TTC22: variants seen among roughly 807,000 people sequenced by gnomAD.
TTC22 encodes the protein tetratricopeptide repeat domain 22.
In TTC22, 42 loss-of-function variants were observed where a neutral mutation model predicts 48.2. The ratio of observed to expected loss-of-function variants is 0.87; its 90% CI spans 0.68 to 1.13. The LOEUF (loss-of-function observed/expected upper bound fraction) is 1.13, where lower values mean the gene tolerates loss of function less well. TTC22 is among the 50% of genes most tolerant of loss of function. The pLI, the probability that TTC22 is intolerant of heterozygous loss-of-function variation, is 0.00. For synonymous variants in TTC22, 345 were observed against 365.5 expected, an observed-to-expected ratio of 0.94 and a Z score of 0.64; for missense variants, 784 against 807.0, an observed-to-expected ratio of 0.97 and a Z score of 0.34.
intron 3 of TTC22, chr1:54,787,341 T>G: frequency 5.4e-6 from 3 of 552,542 alleles, no homozygotes; most frequent in Non-Finnish European, 3.2e-6. Flanking sequence ...TGACTTCAGC[T>G]CTCACCAGCT....
chr1:54,784,639 C>T, intron 5 of TTC22: 1 of 1,114,010 alleles, frequency 9.0e-7, no homozygotes, highest in South Asian at 2.0e-5. Context: ...TAACCACATC[C>T]ACGACAGTGA....
At chr1:54,799,700 C>T (rs768574298) in intron 1 of TTC22, among the ~76,000 whole-genome samples, 2 of 152,180 alleles carry the variant, frequency 1.3e-5, no homozygotes, top group Non-Finnish European at 1.5e-5. Flanking sequence ...TGACCTCATG[C>T]AATCAGTGGT....
In TTC22 at chr1:54,800,622, T is replaced by A. The variant is rs1009986057; in HGVS notation, c.542A>T (p.Asp181Val). The A allele has an allele frequency of 1.3e-6, 2 of 1,546,900 alleles. No individual in the cohort carries two copies. Among genetic ancestry groups the A allele is most frequent in the African/African-American group, 2.8e-5 (2 of 70,768 alleles). ...RGLAAGIALY[D>V]KALGYGQQIP... is the part of the protein sequence containing the mutation. ...CTGCTGCCCGTAGCCTAGCGCCTTG[T>A]CGTAGAGCGCGATGCCTGCCGCCAG... The change falls in exon 1 of 7, where the codon GAC (aspartate) becomes GTC (valine). Residue 181 changes from aspartate (D) to valine (V), a missense_variant. Asp to Val is a radical substitution (Grantham distance 152). Coordinates refer to ENST00000371276, the MANE Select transcript of TTC22 (RefSeq NM_001114108.2).
At chr1:54,786,252 A>G in intron 4 of TTC22, 108 bp from the exon 5 acceptor site, 1 of 1,046,614 alleles carries the variant, frequency 9.6e-7, no homozygotes, top group East Asian at 2.4e-5. Flanking sequence ...AGCCGTATCA[A>G]CATGGTGCCC....
chr1:54,796,825 G>A lies in TTC22; in HGVS notation c.567+3772C>T, dbSNP rs1219373966. Among the ~76,000 whole-genome samples, 8 of 152,162 alleles carry A rather than the reference G, an allele frequency of 5.3e-5. 1 individual carries two copies. The highest frequency in any genetic ancestry group is 3.3e-4 in the Admixed American group (5 of 15,276). On this transcript the variant is annotated intron_variant, in intron 1 of 6. Coordinates refer to ENST00000371276, the MANE Select transcript of TTC22 (RefSeq NM_001114108.2). ...TAAACAATGGTTGCAAACTCCTCTT[G>A]GGTGTTCAGCTCTACGTCAGACATT...
Position 54,780,963 on chromosome 1 carries a change from G to A in TTC22, c.*280C>T. Reference sequence around the variant, plus strand: ...GCCTCACAACCATCTTATTTTACCTGTATGTCTAGAAAATTCTGTCCCTTA... The same window carrying A: ...GCCTCACAACCATCTTATTTTACCTATATGTCTAGAAAATTCTGTCCCTTA... On this transcript the variant is annotated 3_prime_UTR_variant, in exon 7 of 7. Transcript: ENST00000371276. 3.1e-6 allele frequency: 1 copy of A among 327,302 alleles called. No homozygotes were observed. Among genetic ancestry groups the A allele is most frequent in the Admixed American group, 5.0e-5 (1 of 20,186 alleles). 20.3% of individuals were successfully genotyped at this position (327,302 alleles called of 1,614,324 possible).
Position 54,781,379 on chromosome 1 carries a change from G to C in TTC22, c.1574C>G (p.Thr525Arg). Reference protein sequence around the residue: ...QELQRVWRGHTDEVLGLARAL... With the variant: ...QELQRVWRGHRDEVLGLARAL... ...CCGGGCCAGCCCCAACACCTCGTCCGTGTGCCCGCGCCACACGCGCTGCAG... is the reference window on the plus strand; with the variant it reads ...CCGGGCCAGCCCCAACACCTCGTCCCTGTGCCCGCGCCACACGCGCTGCAG... The change falls in exon 7 of 7, where the codon ACG becomes AGG. Residue 525 changes from threonine to arginine, a missense_variant. Transcript: ENST00000371276. The C allele has an allele frequency of 1.4e-6, 2 of 1,386,436 alleles. No homozygotes were observed. The highest frequency in any genetic ancestry group is 9.2e-7 in the Non-Finnish European group (1 of 1,081,304). The allele number at this position is 1,386,436 out of a possible 1,614,324, so 85.9% of individuals were successfully genotyped here.
chr1:54,799,902 T>C (rs1646419660), intron 1 of TTC22, among the ~76,000 whole-genome samples: 1 of 152,198 alleles, frequency 6.6e-6, no homozygotes, highest in African/African-American at 2.4e-5. Context: ...ATATGTAACA[T>C]TACTATCTCC....
Position 54,782,401 on chromosome 1 carries a change from A to G in TTC22, c.1097T>C (p.Leu366Pro), listed in dbSNP as rs12144325. ...GLGGMPDRNH[L>P]ACAKADLEEV... ...CTCAAGGTCAGCCTTGGCACAGGCCAGGTGGTTCCTGTCAGGCATGCCCCC... is the reference window on the plus strand; with the variant it reads ...CTCAAGGTCAGCCTTGGCACAGGCCGGGTGGTTCCTGTCAGGCATGCCCCC... The change falls in exon 6 of 7, where the codon CTG becomes CCG. Residue 366 changes from leucine to proline, a missense_variant. Physicochemically the swap from Leu to Pro is moderately conservative, Grantham distance 98. Transcript: ENST00000371276. The G allele has an allele frequency of 0.13, 207,895 of 1,551,220 alleles. 15,111 individuals are homozygous for G. Among genetic ancestry groups the G allele is most frequent in the Non-Finnish European group, 0.15 (172,779 of 1,146,738 alleles).
intron 1 of TTC22, among the ~76,000 whole-genome samples, chr1:54,788,620 T>A (rs891239404): frequency 1.3e-5 from 2 of 152,226 alleles, no homozygotes; most frequent in Admixed American, 1.3e-4. Context: ...TTTATGGTAG[T>A]AGCTGCTCCA....
chr1:54,787,151 G>C, intron 3 of TTC22, 76 bp from the exon 4 acceptor site: 1 of 730,954 alleles, frequency 1.4e-6, no homozygotes, highest in Non-Finnish European at 2.1e-6. Flanking sequence ...CCCATCCTAG[G>C]TGTCACCCAT....
intron 2 of TTC22, 86 bp downstream of exon 2, chr1:54,787,956 C>A: frequency 6.7e-7 from 1 of 1,498,076 alleles, no homozygotes; most frequent in African/African-American, 1.4e-5. Context: ...AAGGGCCCAG[C>A]CACCTCTGCC....
At chr1:54,792,855 G>C (rs1646363069) in intron 1 of TTC22, 1 of 152,190 alleles carries the variant, frequency 6.6e-6, no homozygotes. Flanking sequence ...AAACAGGCTT[G>C]TGACTGCCCC....
Position 54,781,554 on chromosome 1 carries a change from T to C in TTC22, c.1399A>G (p.Ser467Gly), listed in dbSNP as rs1470271937. The C allele has an allele frequency of 3.3e-6, 5 of 1,519,576 alleles. No individual in the cohort carries two copies. The highest frequency in any genetic ancestry group is 4.4e-6 in the Non-Finnish European group (5 of 1,140,818). The allele number at this position is 1,519,576 out of a possible 1,614,324, so 94.1% of individuals were successfully genotyped here. The part of the protein sequence containing the change: ...RAVELDDAGS[S>G]HTDGFGCLLE... ...AGGCAGCCGAAGCCGTCGGTGTGGCTGGAGCCCGCGTCGTCCAGCTCCACT... is the reference window on the plus strand; with the variant it reads ...AGGCAGCCGAAGCCGTCGGTGTGGCCGGAGCCCGCGTCGTCCAGCTCCACT... The change falls in exon 7 of 7, where the codon AGC becomes GGC. Residue 467 changes from serine to glycine, a missense_variant. Physicochemically the swap from Ser to Gly is moderately conservative, Grantham distance 56 (BLOSUM62 0). Coordinates refer to ENST00000371276, the MANE Select transcript of TTC22 (RefSeq NM_001114108.2).
chr1:54,786,326 TG>T, intron 4 of TTC22, 182 bp from the exon 5 acceptor site: 1 of 567,390 alleles, frequency 1.8e-6, no homozygotes, highest in South Asian at 2.1e-5. Context: ...CCCAACACCT[TG>T]GGGCACAACC....
intron 1 of TTC22, among the ~76,000 whole-genome samples, chr1:54,793,305 G>A (rs1236316496): frequency 1.3e-5 from 2 of 152,166 alleles, no homozygotes; most frequent in Admixed American, 1.3e-4. Flanking sequence ...GAGCATGAGA[G>A]ACAGACCTCA....
At chr1:54,800,573 G>A (rs1646425545) in intron 1 of TTC22, 24 bp downstream of exon 1, 1 of 1,464,968 alleles carries the variant, frequency 6.8e-7, no homozygotes, top group Non-Finnish European at 8.9e-7. Flanking sequence ...CCCAGAGGGA[G>A]GTAGGGAGAC....
chr1:54,784,917 A>T (rs1369683302), intron 5 of TTC22: 1 of 616,650 alleles, frequency 1.6e-6, no homozygotes, highest in Non-Finnish European at 2.4e-6. Flanking sequence ...TAACTTGCAG[A>T]GCTGAATGAC....
At chr1:54,783,015 G>C (rs563506557) in intron 5 of TTC22, among the ~76,000 whole-genome samples, 1 of 152,304 alleles carries the variant, frequency 6.6e-6, no homozygotes, top group African/African-American at 2.4e-5. Flanking sequence ...AAGAATGGCA[G>C]GTGGCCCCAA....
Sources: gnomAD v4.1 joint callset for allele counts (sites outside exome capture counted in the v4.1 genomes callset) on GRCh38, gnomAD v4.1.1 for gene constraint, MANE v1.5 for transcripts, NCBI Gene and HGNC (gene_info 2026-07-23, HGNC 2026-07-21) for gene names.